The following RASAL2 variants were observed in gnomAD, a reference collection of about 807,000 sequenced individuals.
The protein encoded by RASAL2 is ras GTPase-activating protein nGAP.
Under a neutral mutation model 128.9 loss-of-function variants are expected in RASAL2, and 58 were observed. The observed-to-expected ratio is 0.45, with a 90% CI of 0.36 to 0.56. The LOEUF is 0.56. RASAL2 is among the 20% of genes least tolerant of loss of function. The probability of loss-of-function intolerance (pLI) is 0.00; values close to 1 mark genes in which losing one functional copy is unlikely to be tolerated. For synonymous variants in RASAL2, 561 were observed against 580.8 expected (o/e 0.97, Z 0.49); for missense variants, 1,360 against 1,601.6 (o/e 0.85, Z 2.57).
At chr1:178,152,688 A>G (rs2101880844) in intron 1 of RASAL2, among the ~76,000 whole-genome samples, 1 of 152,242 alleles carries the variant, frequency 6.6e-6, no homozygotes, top group Non-Finnish European at 1.5e-5. Flanking sequence ...AAACAAAACA[A>G]AAAAGCCACC....
chr1:178,119,579 T>C (rs1231343525), intron 1 of RASAL2, among the ~76,000 whole-genome samples: 1 of 152,210 alleles, frequency 6.6e-6, no homozygotes, highest in Non-Finnish European at 1.5e-5. Context: ...CATCCTTGCA[T>C]ATACCAACAC....
chr1:178,180,063 T>A (rs990427453), intron 1 of RASAL2, among the ~76,000 whole-genome samples: 4 of 152,174 alleles, frequency 2.6e-5, no homozygotes, highest in Admixed American at 2.6e-4. Flanking sequence ...ATGAAATACT[T>A]ATTAATCTGG....
At chr1:178,298,891 C>T (rs530773811) in intron 2 of RASAL2, among the ~76,000 whole-genome samples, 6 of 151,534 alleles carry the variant, frequency 4.0e-5, no homozygotes, top group African/African-American at 1.5e-4. Flanking sequence ...AATCTCATTA[C>T]TGAATACTTA....
intron 3 of RASAL2, among the ~76,000 whole-genome samples, chr1:178,355,381 A>G (rs1382689513): frequency 2.0e-5 from 3 of 152,216 alleles, no homozygotes; most frequent in Non-Finnish European, 4.4e-5. Flanking sequence ...TGGTGGGGAA[A>G]TTAAGATCTT....
chr1:178,133,520 G>C (rs564154561), intron 1 of RASAL2, among the ~76,000 whole-genome samples: 1 of 151,074 alleles, frequency 6.6e-6, no homozygotes, highest in African/African-American at 2.4e-5. Flanking sequence ...TTGTTTTGCG[G>C]TAAGGAGTTG....
chr1:178,226,431 T>C (rs58303349), intron 1 of RASAL2, among the ~76,000 whole-genome samples: 2,195 of 152,324 alleles, frequency 0.014, 57 homozygotes, highest in African/African-American at 0.049. Context: ...TCCCTGTTTT[T>C]ATTGTGCCTT....
At chr1:178,205,323 A>G (rs1663001958) in intron 1 of RASAL2, among the ~76,000 whole-genome samples, 1 of 152,140 alleles carries the variant, frequency 6.6e-6, no homozygotes, top group Admixed American at 6.5e-5. Context: ...TGTTTATAGA[A>G]AAATACATGC....
intron 1 of RASAL2, among the ~76,000 whole-genome samples, chr1:178,258,232 T>C (rs1558147655): frequency 1.4e-5 from 2 of 147,936 alleles, no homozygotes; most frequent in South Asian, 2.1e-4. Context: ...AGGTGGAGTT[T>C]GCAGTGAGCC....
rs115364697 is a variant in RASAL2 at position 178,180,717 on chromosome 1, T to C, written c.202+86023T>C. ...CGATTCTGAGAAAGAAGAAAAGGCA[T>C]TATTGCGACTCTAACCACAATTTTT... On this transcript the variant is annotated intron_variant, in intron 1 of 17. Coordinates refer to ENST00000367649, the MANE Select transcript of RASAL2 (RefSeq NM_170692.4). Among the ~76,000 whole-genome samples the C allele has an allele frequency of 7.0e-3, 931 of 133,568 alleles. 5 individuals carry two copies. Among genetic ancestry groups the C allele is most frequent in the African/African-American group, 0.024 (875 of 36,534 alleles). 87.6% of individuals were successfully genotyped at this position (133,568 alleles called of 152,430 possible).
At chr1:178,162,436 A>G (rs1174535972) in intron 1 of RASAL2, among the ~76,000 whole-genome samples, 1 of 117,056 alleles carries the variant, frequency 8.5e-6, no homozygotes, top group African/African-American at 3.4e-5. Context: ...TATATATTTT[A>G]TATATAATAT....
intron 3 of RASAL2, among the ~76,000 whole-genome samples, chr1:178,307,519 A>G (rs1418533408): frequency 2.0e-5 from 3 of 152,222 alleles, no homozygotes; most frequent in African/African-American, 7.2e-5. Context: ...ACTGGAAGGC[A>G]TATTAGTTGG....
At chr1:178,397,767 G>A (rs1673336149) in intron 4 of RASAL2, among the ~76,000 whole-genome samples, 1 of 147,070 alleles carries the variant, frequency 6.8e-6, no homozygotes, top group African/African-American at 2.7e-5. Context: ...CACTGTACCT[G>A]GCTAATTTTT....
chr1:178,268,962 T>C (rs1220333557), intron 1 of RASAL2, among the ~76,000 whole-genome samples: 1 of 152,208 alleles, frequency 6.6e-6, no homozygotes, highest in Non-Finnish European at 1.5e-5. Flanking sequence ...TGTATGCTTT[T>C]TGTTTTCTTG....
intron 1 of RASAL2, among the ~76,000 whole-genome samples, chr1:178,251,660 TG>T (rs1665059652): frequency 6.6e-6 from 1 of 152,206 alleles, no homozygotes. Context: ...TAGCCTGTCC[TG>T]CCACAGTAGA....
chr1:178,139,137 A>G (rs1464943590), intron 1 of RASAL2, among the ~76,000 whole-genome samples: 1 of 152,026 alleles, frequency 6.6e-6, no homozygotes, highest in African/African-American at 2.4e-5. Flanking sequence ...TCTGCTATAC[A>G]TATTTCTGGT....
At chr1:178,458,697 CTT>C (rs1415381847) in intron 14 of RASAL2, among the ~76,000 whole-genome samples, 153 bp downstream of exon 14, 3 of 152,154 alleles carry the variant, frequency 2.0e-5, no homozygotes, top group Non-Finnish European at 4.4e-5. Flanking sequence ...ATTTGGGAGG[CTT>C]CTGCCCAGGT....
intron 13 of RASAL2, 121 bp from the exon 14 acceptor site, chr1:178,457,562 T>C (rs1677862059): frequency 5.9e-6 from 6 of 1,017,906 alleles, no homozygotes; most frequent in African/African-American, 1.6e-5. Flanking sequence ...AATCTGAGTT[T>C]CCAAAGAAAT....
At chr1:178,249,826 T>C (rs568857388) in intron 1 of RASAL2, among the ~76,000 whole-genome samples, 1 of 152,178 alleles carries the variant, frequency 6.6e-6, no homozygotes, top group Non-Finnish European at 1.5e-5. Context: ...AGGCCTCTCT[T>C]CTGCAGATCT....
chr1:178,143,182 A>G (rs547326809), intron 1 of RASAL2, among the ~76,000 whole-genome samples: 6 of 151,820 alleles, frequency 4.0e-5, no homozygotes, highest in East Asian at 1.9e-4. Context: ...TTATTTATAT[A>G]TAGATGTAAT....
Sources: allele counts gnomAD v4.1 joint callset (sites outside exome capture counted in the v4.1 genomes callset), GRCh38; gene constraint gnomAD v4.1.1; transcripts MANE v1.5; gene names NCBI Gene and HGNC (gene_info 2026-07-23, HGNC 2026-07-21).